Variants in DST observed in about 807,000 individuals in gnomAD.
DST encodes the protein bullous pemphigoid antigen.
Under a neutral mutation model 875.2 loss-of-function variants are expected in DST, and 253 were observed. That is an observed-to-expected ratio of 0.29 (90% CI 0.26 to 0.32). The LOEUF is 0.32. Among genes scored for constraint, DST ranks in the 10% least tolerant of loss-of-function variants. The probability of loss-of-function intolerance (pLI) is 1.00; values close to 1 mark genes in which losing one functional copy is unlikely to be tolerated. For synonymous variants in DST, 3,124 were observed against 3,197.1 expected (o/e 0.98, Z 0.77); for missense variants, 8,287 against 9,111.6 (o/e 0.91, Z 3.68).
intron 4 of DST, among the ~76,000 whole-genome samples, chr6:56,745,941 G>A (rs1012553504): frequency 6.6e-6 from 1 of 152,148 alleles, no homozygotes; most frequent in Non-Finnish European, 1.5e-5. Flanking sequence ...GTAGTCCCAA[G>A]CTACCGTAAT....
chr6:56,604,093 T>C lies in DST; in HGVS notation c.10535A>G (p.Asn3512Ser). 1.9e-6 allele frequency: 3 copies of C among 1,578,848 alleles called. No homozygotes were observed. Among genetic ancestry groups the C allele is most frequent in the East Asian group, 2.3e-5 (1 of 43,936 alleles). ...CTCAGATGTAGAACATGCTTTTTGA[T>C]TAAAGTCTCCAACATGTTCTATTTT... ...SEKIEHVGDF[N>S]QKACSTSEMM... The change falls in exon 40 of 104, where the codon AAT (asparagine) becomes AGT (serine). Residue 3512 changes from asparagine to serine, a missense_variant. Physicochemically the swap from Asn to Ser is conservative, Grantham distance 46. Around this residue, in one of 10 missense-constraint regions of DST, gnomAD observed 3,138 missense variants for 3,116.6 expected, o/e 1.01. Transcript: ENST00000680361.
chr6:56,809,919 A>G (rs35642890), intron 4 of DST, among the ~76,000 whole-genome samples: 36,731 of 152,166 alleles, frequency 0.24, 5,804 homozygotes, highest in African/African-American at 0.44. Flanking sequence ...TTTACCTATC[A>G]GTATTACTTT....
Position 56,532,418 on chromosome 6 carries a change from A to G in DST, c.17034T>C (p.Asp5678=), listed in dbSNP as rs1197773620. 6.2e-7 allele frequency: 1 copy of G among 1,613,602 alleles called. No homozygotes were observed. ...EKIATTAEPA[D]KVKILKQLSL... Reference sequence around the variant, plus strand: ...TGAGCTGTTTCAAAATCTTCACTTTATCTGCGGGCTCTGCTGTTGTAGCAA... The same window carrying G: ...TGAGCTGTTTCAAAATCTTCACTTTGTCTGCGGGCTCTGCTGTTGTAGCAA... Residue 5678 remains aspartate, a synonymous_variant, in exon 64 of 104, where the codon GAT becomes GAC. Coordinates refer to ENST00000680361, the MANE Select transcript of DST (RefSeq NM_001374736.1).
At chr6:56,659,967 G>A (rs2099030377) in intron 10 of DST, among the ~76,000 whole-genome samples, 1 of 152,200 alleles carries the variant, frequency 6.6e-6, no homozygotes, top group Non-Finnish European at 1.5e-5. Context: ...GGATGCAGAA[G>A]AAGATAGGTT....
At chr6:56,905,975 T>C (rs1454271309) in intron 2 of DST, among the ~76,000 whole-genome samples, 1 of 152,156 alleles carries the variant, frequency 6.6e-6, no homozygotes, top group African/African-American at 2.4e-5. Flanking sequence ...TATCCACTCA[T>C]CTCTCCACGG....
intron 10 of DST, among the ~76,000 whole-genome samples, chr6:56,658,367 T>C (rs2099021245): frequency 6.6e-6 from 1 of 152,300 alleles, no homozygotes; most frequent in Non-Finnish European, 1.5e-5. Flanking sequence ...TGTGTCTCAG[T>C]TCTTTCTGCA....
At chr6:56,525,765 C>T (rs1475827797) in intron 69 of DST, among the ~76,000 whole-genome samples, 1 of 152,166 alleles carries the variant, frequency 6.6e-6, no homozygotes, top group African/African-American at 2.4e-5. Flanking sequence ...ACTCATTGCC[C>T]ACAGTCTTCC....
rs749922320 is a variant in DST at position 56,631,897 on chromosome 6, T to C, written c.3949A>G (p.Ile1317Val). The C allele has an allele frequency of 6.2e-6, 10 of 1,613,926 alleles. No homozygotes were observed. The African/African-American group carries it at 9.3e-5, about 15-fold the overall frequency. ...RDDLHESVFR[I>V]TEQEKLKKEL... Reference sequence around the variant, plus strand: ...ATAGCTCTCACCTCCTGTTCTGTGATTCTGAACACACTTTCATGCAAATCA... The same window carrying C: ...ATAGCTCTCACCTCCTGTTCTGTGACTCTGAACACACTTTCATGCAAATCA... Residue 1317 changes from isoleucine to valine, a missense_variant, in exon 29 of 104, where the codon ATC (isoleucine) becomes GTC (valine). Transcript: ENST00000680361.
At chr6:56,504,553 G>A (rs2096251426) in intron 77 of DST, among the ~76,000 whole-genome samples, 2 of 152,058 alleles carry the variant, frequency 1.3e-5, no homozygotes, top group African/African-American at 4.8e-5. Flanking sequence ...ATTTAGATTA[G>A]CATTAAGATC....
intron 5 of DST, among the ~76,000 whole-genome samples, chr6:56,720,447 G>A (rs1253360232): frequency 6.6e-6 from 1 of 151,592 alleles, no homozygotes; most frequent in Non-Finnish European, 1.5e-5. Context: ...GAGAACGTCA[G>A]CAGATAAACA....
chr6:56,654,193 G>A (rs968109507), intron 10 of DST, among the ~76,000 whole-genome samples: 4 of 151,966 alleles, frequency 2.6e-5, no homozygotes, highest in Non-Finnish European at 4.4e-5. Flanking sequence ...GGAAAAAAAG[G>A]CCATTCTCTT....
intron 9 of DST, among the ~76,000 whole-genome samples, chr6:56,674,903 A>C (rs1441530354): frequency 6.6e-6 from 1 of 152,260 alleles, no homozygotes; most frequent in Non-Finnish European, 1.5e-5. Flanking sequence ...CAGAAATAGA[A>C]GAAACAATCC....
At chr6:56,657,026 CA>C (rs2099012196) in intron 10 of DST, among the ~76,000 whole-genome samples, 1 of 152,158 alleles carries the variant, frequency 6.6e-6, no homozygotes, top group South Asian at 2.1e-4. Flanking sequence ...TGGTTATCTG[CA>C]TTTTAACAAG....
intron 9 of DST, chr6:56,692,538 G>C: frequency 7.8e-7 from 1 of 1,289,722 alleles, no homozygotes; most frequent in Non-Finnish European, 1.0e-6. Context: ...TTTTTGGTGG[G>C]TCTTCAGGAA....
chr6:56,760,185 T>C (rs1185886162), intron 4 of DST, among the ~76,000 whole-genome samples: 1 of 152,192 alleles, frequency 6.6e-6, no homozygotes, highest in African/African-American at 2.4e-5. Flanking sequence ...AATATGTACC[T>C]AGAGGCAAAT....
rs567654545 is a variant in DST, at chr6:56,832,411, CTT to C, written c.625+18984_625+18985del. On this transcript the variant is annotated intron_variant, in intron 4 of 103. Coordinates refer to ENST00000680361, the MANE Select transcript of DST (RefSeq NM_001374736.1). ...GAGTTCCCCTGCACAAGTTCTTTCTCTTTGTCTGCTGCCATCCATGTAAGACG... is the reference window on the plus strand; with the variant it reads ...GAGTTCCCCTGCACAAGTTCTTTCTCTGTCTGCTGCCATCCATGTAAGACG... Among the ~76,000 whole-genome samples the C allele has an allele frequency of 6.0e-4, 92 of 152,272 alleles. 3 individuals carry two copies. The South Asian group carries it at 0.018, about 30-fold the overall frequency.
chr6:56,768,272 T>C (rs747229673), intron 4 of DST, among the ~76,000 whole-genome samples: 2 of 152,198 alleles, frequency 1.3e-5, no homozygotes, highest in Non-Finnish European at 2.9e-5. Flanking sequence ...GAATGACTAA[T>C]ACTACCCAAT....
chr6:56,800,192 A>T (rs2099745100), intron 4 of DST, among the ~76,000 whole-genome samples: 1 of 152,182 alleles, frequency 6.6e-6, no homozygotes, highest in South Asian at 2.1e-4. Flanking sequence ...CAAAGGGAAG[A>T]AGGGGAACTG....
intron 61 of DST, among the ~76,000 whole-genome samples, chr6:56,537,564 A>G (rs541428340): frequency 3.2e-4 from 49 of 152,336 alleles, no homozygotes; most frequent in African/African-American, 1.1e-3. Flanking sequence ...AGCCTCCTCA[A>G]TGTCTACAGA....
Sources: allele counts gnomAD v4.1 joint callset (sites outside exome capture counted in the v4.1 genomes callset), GRCh38; gene constraint gnomAD v4.1.1; regional missense constraint gnomAD v4.1.1; transcripts MANE v1.5; gene names NCBI Gene and HGNC (gene_info 2026-07-23, HGNC 2026-07-21).